Variants in SRPK1 observed in about 807,000 individuals in gnomAD.
The protein encoded by SRPK1 is SRSF protein kinase 1.
A neutral mutation model predicts 89.5 loss-of-function variants in SRPK1; 52 were observed. The observed-to-expected ratio is 0.58, with a 90% confidence interval of 0.46 to 0.73. The LOEUF (loss-of-function observed/expected upper bound fraction) is 0.73, where lower values mean the gene tolerates loss of function less well. Among genes scored for constraint, SRPK1 ranks in the 30% least tolerant of loss-of-function variants. SRPK1 has a pLI of 0.00. For missense variants in SRPK1, 603 were observed against 780.6 expected, an observed-to-expected ratio of 0.77 and a Z score of 2.71; for synonymous variants, 255 against 270.2, an observed-to-expected ratio of 0.94 and a Z score of 0.55.
At chr6:35,863,683 C>CA (rs201506926) in intron 12 of SRPK1, among the ~76,000 whole-genome samples, 1,947 of 150,276 alleles carry the variant, frequency 0.013, 37 homozygotes, top group African/African-American at 0.045. Context: ...TGAGGGATTT[C>CA]AAAAAAAAGC....
At chr6:35,838,620 T>C in intron 14 of SRPK1, 191 bp from the exon 15 acceptor site, 1 of 1,550,874 alleles carries the variant, frequency 6.4e-7, no homozygotes, top group Non-Finnish European at 8.7e-7. Context: ...AGTCAAATTT[T>C]TGTGGATTCA....
rs1188446543 is a variant in SRPK1, at chr6:35,884,791, A to G, written c.478+1933T>C. ...CGAGGCGGGCAGATCACCTGAGGTCAGGGGTTTGAGACCAGCCTGGCCAAC... is the reference window on the plus strand; with the variant it reads ...CGAGGCGGGCAGATCACCTGAGGTCGGGGGTTTGAGACCAGCCTGGCCAAC... On this transcript the variant is annotated intron_variant, in intron 6 of 15. Transcript: ENST00000373825. Among the ~76,000 whole-genome samples, 6 of 152,258 alleles carry G rather than the reference A, an allele frequency of 3.9e-5. No individual in the cohort carries two copies. The South Asian group carries it at 8.3e-4, about 21-fold the overall frequency.
chr6:35,914,059 T>C (rs1463030610), intron 2 of SRPK1, among the ~76,000 whole-genome samples: 2 of 131,112 alleles, frequency 1.5e-5, no homozygotes, highest in African/African-American at 5.6e-5. Flanking sequence ...CACTGCAACC[T>C]CCACCTCCCA....
At chr6:35,878,687 T>C (rs1770212233) in intron 6 of SRPK1, among the ~76,000 whole-genome samples, 1 of 152,204 alleles carries the variant, frequency 6.6e-6, no homozygotes, top group Non-Finnish European at 1.5e-5. Context: ...TCCATTGTTT[T>C]AAGCCCCTCT....
intron 13 of SRPK1, among the ~76,000 whole-genome samples, chr6:35,855,310 A>C (rs142784151): frequency 1.2e-4 from 19 of 152,204 alleles, no homozygotes; most frequent in Admixed American, 7.9e-4. Context: ...TCAGAAAAAA[A>C]AAACAAACAA....
rs372992921 is a variant in SRPK1 at position 35,835,274 on chromosome 6, G to A, written c.*30C>T. On this transcript the variant is annotated 3_prime_UTR_variant, in exon 16 of 16. Coordinates refer to ENST00000373825, the MANE Select transcript of SRPK1 (RefSeq NM_003137.5). ...AAGGGGAAGGGCGGAGGGTCAGTGT[G>A]TGATCTCTGCTGTGGTGCTGGGCAG... is the stretch of plus-strand genomic sequence containing the variant. 6.3e-7 allele frequency: 1 copy of A among 1,591,570 alleles called. No individual in the cohort carries two copies.
At chr6:35,915,174 C>T (rs1329383814) in intron 2 of SRPK1, among the ~76,000 whole-genome samples, 2 of 151,936 alleles carry the variant, frequency 1.3e-5, no homozygotes, top group Non-Finnish European at 2.9e-5. Context: ...GAGGCTGAGG[C>T]GGGCAGAACG....
intron 2 of SRPK1, among the ~76,000 whole-genome samples, chr6:35,893,584 G>T (rs926043701): frequency 6.6e-6 from 1 of 151,886 alleles, no homozygotes; most frequent in Admixed American, 6.5e-5. Flanking sequence ...CTTGCAGGGG[G>T]CAAAAAAGGA....
chr6:35,865,401 T>C (rs1268640799), intron 12 of SRPK1, among the ~76,000 whole-genome samples: 2 of 152,114 alleles, frequency 1.3e-5, no homozygotes, highest in African/African-American at 4.8e-5. Flanking sequence ...AATGCAATTC[T>C]TTTCAAAATA....
At position 35,869,889 on chromosome 6, in the gene SRPK1, G is replaced by T. The variant is rs190403437; in HGVS notation, c.1004C>A (p.Thr335Asn). ...CATAAGCGTTTGATCCTGGCCAATG[G>T]TACTTGACTCTTCTAAGGAACAAAC... is the stretch of plus-strand genomic sequence containing the variant. ...MTQEKLEESS[T>N]IGQDQTLMER... is the part of the protein sequence containing the mutation. Residue 335 changes from threonine to asparagine, a missense_variant, in exon 11 of 16, where the codon ACC (threonine) becomes AAC (asparagine). Physicochemically the swap from Thr to Asn is moderately conservative, Grantham distance 65 (BLOSUM62 0). Coordinates refer to ENST00000373825, the MANE Select transcript of SRPK1 (RefSeq NM_003137.5). 2.6e-6 allele frequency: 4 copies of T among 1,562,314 alleles called. No homozygotes were observed. In the African/African-American group the frequency reaches 5.5e-5, roughly 21 times the overall value.
At chr6:35,895,462 TG>T (rs1770610655) in intron 2 of SRPK1, among the ~76,000 whole-genome samples, 1 of 151,972 alleles carries the variant, frequency 6.6e-6, no homozygotes, top group Non-Finnish European at 1.5e-5. Flanking sequence ...TGTGTGTGTG[TG>T]TGTGTTCATC....
Position 35,869,792 on chromosome 6 carries a change from CTGAGTA to C in SRPK1, c.1095_1100del (p.Tyr365_Gln367delinsTer). 1.2e-6 allele frequency: 2 copies of C among 1,613,734 alleles called. No homozygotes were observed. The highest frequency in any genetic ancestry group is 1.7e-6 in the Non-Finnish European group (2 of 1,179,752). ...GTCTCAATGTTTCATTATTACTGTT[CTGAGTA>C]TAATTAATGACTTCAATCACTCCAT... On this transcript the variant is annotated stop_gained and inframe_deletion, in exon 11 of 16. Coordinates refer to ENST00000373825, the MANE Select transcript of SRPK1 (RefSeq NM_003137.5). LOFTEE classifies it high-confidence loss of function.
At chr6:35,909,958 G>A (rs1770926573) in intron 2 of SRPK1, among the ~76,000 whole-genome samples, 1 of 152,074 alleles carries the variant, frequency 6.6e-6, no homozygotes, top group Non-Finnish European at 1.5e-5. Context: ...ACAGCAGTGT[G>A]AGAACAGATT....
chr6:35,888,811 T>G lies in SRPK1; in HGVS notation c.302+4A>C. On this transcript the variant is annotated splice_donor_region_variant and intron_variant, in intron 4 of 15. Coordinates refer to ENST00000373825, the MANE Select transcript of SRPK1 (RefSeq NM_003137.5). ...AATTCTTTTACAGAACCACTAAAAC[T>G]TACTGAATATCCCATGATAACCATA... 6.3e-7 allele frequency: 1 copy of G among 1,585,750 alleles called. No individual in the cohort carries two copies. The highest frequency in any genetic ancestry group is 8.7e-7 in the Non-Finnish European group (1 of 1,154,684).
At chr6:35,871,803 A>G (rs1770042326) in intron 8 of SRPK1, among the ~76,000 whole-genome samples, 1 of 152,210 alleles carries the variant, frequency 6.6e-6, no homozygotes, top group Non-Finnish European at 1.5e-5. Context: ...GTGCAGTGGT[A>G]CTATCACAAC....
chr6:35,874,580 A>T (rs1770113441), intron 6 of SRPK1, among the ~76,000 whole-genome samples: 1 of 152,240 alleles, frequency 6.6e-6, no homozygotes, highest in Non-Finnish European at 1.5e-5. Flanking sequence ...ATTATTATGT[A>T]CATTAAAATA....
In SRPK1 at chr6:35,900,028, T is replaced by TA. The variant is rs201664683; in HGVS notation, c.75-9016dup. 1.8e-3 allele frequency among the ~76,000 whole-genome samples: 265 copies of TA among 149,162 alleles called. 6 individuals are homozygous for TA. In the South Asian group the frequency reaches 0.026, roughly 15 times the overall value. On this transcript the variant is annotated intron_variant, in intron 2 of 15. Transcript: ENST00000373825. ...AAAAAAAATAATAATAATAAAAAAA[T>TA]AAAAAAAAATAAAAAGATTCCTTTG... is the stretch of plus-strand genomic sequence containing the variant.
Position 35,835,267 on chromosome 6 carries a change from T to G in SRPK1, c.*37A>C. 3 of 1,540,516 alleles carry G rather than the reference T, an allele frequency of 1.9e-6. No individual in the cohort carries two copies. The highest frequency in any genetic ancestry group is 2.3e-5 in the East Asian group (1 of 43,424). On this transcript the variant is annotated 3_prime_UTR_variant, in exon 16 of 16. Transcript: ENST00000373825. ...ATGCTTGAAGGGGAAGGGCGGAGGG[T>G]CAGTGTGTGATCTCTGCTGTGGTGC... is the stretch of plus-strand genomic sequence containing the variant.
intron 6 of SRPK1, among the ~76,000 whole-genome samples, chr6:35,880,742 A>AAAAGAAAGAAAGAAAGAAAG (rs1770259948): frequency 3.5e-5 from 1 of 28,176 alleles, no homozygotes; most frequent in African/African-American, 3.1e-4. Context: ...AAAGAAAAAA[A>AAAAGAAAGAAAGAAAGAAAG]AAAAAAAAGA....
Sources: allele counts gnomAD v4.1 joint callset (sites outside exome capture counted in the v4.1 genomes callset), GRCh38; gene constraint gnomAD v4.1.1; transcripts MANE v1.5; gene names NCBI Gene and HGNC (gene_info 2026-07-23, HGNC 2026-07-21).